SORCS1: variants seen among roughly 807,000 people sequenced by gnomAD.
The protein encoded by SORCS1 is VPS10 domain-containing receptor SorCS1.
A neutral mutation model predicts 146.1 loss-of-function variants in SORCS1; 60 were observed. That is an observed-to-expected ratio of 0.41 (90% confidence interval 0.33 to 0.51). The LOEUF is 0.51. SORCS1 is among the 20% of genes least tolerant of loss of function. SORCS1 has a pLI of 0.21. For synonymous variants in SORCS1, 637 were observed against 584.0 expected, an observed-to-expected ratio of 1.09 and a Z score of -1.31; for missense variants, 1,352 against 1,487.6, an observed-to-expected ratio of 0.91 and a Z score of 1.50.
At chr10:107,047,066 G>A (rs557597939) in intron 1 of SORCS1, among the ~76,000 whole-genome samples, 8 of 152,176 alleles carry the variant, frequency 5.3e-5, no homozygotes, top group South Asian at 2.1e-4. Flanking sequence ...TCATCTCACC[G>A]CAACCTCTGC....
chr10:106,849,654 T>G (rs11193074), intron 2 of SORCS1, among the ~76,000 whole-genome samples: 2,768 of 146,854 alleles, frequency 0.019, 64 homozygotes, highest in East Asian at 0.12. Context: ...TGGAGGAGGA[T>G]AGGCGCTCTG....
chr10:106,597,133 T>C (rs1845952821), intron 24 of SORCS1, among the ~76,000 whole-genome samples: 1 of 152,200 alleles, frequency 6.6e-6, no homozygotes. Context: ...ATCACAGGCA[T>C]GAGCCACTGA....
intron 1 of SORCS1, among the ~76,000 whole-genome samples, chr10:107,092,153 G>A (rs1448308330): frequency 2.0e-5 from 3 of 152,222 alleles, no homozygotes; most frequent in Non-Finnish European, 2.9e-5. Flanking sequence ...CTGAAGTTCA[G>A]AAATGCTTCT....
intron 2 of SORCS1, among the ~76,000 whole-genome samples, chr10:106,872,950 G>A (rs1399398452): frequency 1.2e-4 from 19 of 152,186 alleles, no homozygotes; most frequent in South Asian, 2.1e-4. Flanking sequence ...CGAGGTGGGC[G>A]GATCACAAGG....
At chr10:106,803,665 T>C (rs1039538579) in intron 3 of SORCS1, among the ~76,000 whole-genome samples, 3 of 152,208 alleles carry the variant, frequency 2.0e-5, no homozygotes, top group African/African-American at 7.2e-5. Context: ...ATATTGTTTA[T>C]TGACTGATGT....
intron 2 of SORCS1, among the ~76,000 whole-genome samples, chr10:106,859,924 A>C (rs1949947999): frequency 6.6e-6 from 1 of 152,218 alleles, no homozygotes; most frequent in Non-Finnish European, 1.5e-5. Flanking sequence ...CTTACAATCC[A>C]GAAGGTGCTC....
At chr10:106,948,176 A>C (rs1247897368) in intron 2 of SORCS1, among the ~76,000 whole-genome samples, 1 of 152,102 alleles carries the variant, frequency 6.6e-6, no homozygotes, top group Non-Finnish European at 1.5e-5. Context: ...ATCTGTTGAC[A>C]CTTTTTAGTT....
rs972239059 is a variant in SORCS1, at chr10:106,942,425, G to A, written c.626+14088C>T. Reference sequence around the variant, plus strand: ...AAATGCCTTCTTGTGTGTTACACAAGGCTCACTGGAACAAAAAAAGCACAG... The same window carrying A: ...AAATGCCTTCTTGTGTGTTACACAAAGCTCACTGGAACAAAAAAAGCACAG... On this transcript the variant is annotated intron_variant, in intron 2 of 25. Coordinates refer to ENST00000263054, the MANE Select transcript of SORCS1 (RefSeq NM_052918.5). Among the ~76,000 whole-genome samples the A allele has an allele frequency of 3.2e-4, 49 of 152,186 alleles. 1 individual carries two copies. Among genetic ancestry groups the A allele is most frequent in the African/African-American group, 1.0e-3 (43 of 41,514 alleles).
chr10:106,917,551 T>C (rs977318727), intron 2 of SORCS1, among the ~76,000 whole-genome samples: 17 of 152,164 alleles, frequency 1.1e-4, no homozygotes, highest in Non-Finnish European at 2.2e-4. Flanking sequence ...CTCTTTTTCA[T>C]GCAGTACATG....
intron 9 of SORCS1, among the ~76,000 whole-genome samples, chr10:106,698,916 G>A (rs1294531778): frequency 1.3e-5 from 2 of 152,076 alleles, no homozygotes; most frequent in African/African-American, 2.4e-5. Context: ...AACATCACAA[G>A]CAGACCACTC....
chr10:106,994,063 C>CAAAAAAAAAAAAA (rs67408221), intron 1 of SORCS1, among the ~76,000 whole-genome samples: 3 of 80,812 alleles, frequency 3.7e-5, no homozygotes, highest in African/African-American at 5.3e-5. Context: ...GACCCCATCT[C>CAAAAAAAAAAAAA]AAAAAAAAAA....
At chr10:106,850,721 C>G (rs1387774332) in intron 2 of SORCS1, among the ~76,000 whole-genome samples, 1 of 152,176 alleles carries the variant, frequency 6.6e-6, no homozygotes, top group Non-Finnish European at 1.5e-5. Flanking sequence ...CACAATATTC[C>G]TCAGAGCTCC....
chr10:106,832,807 A>G (rs940131047), intron 2 of SORCS1, among the ~76,000 whole-genome samples: 2 of 152,256 alleles, frequency 1.3e-5, no homozygotes, highest in Non-Finnish European at 2.9e-5. Context: ...CAATTTTCCT[A>G]GTGGAATAAT....
intron 1 of SORCS1, among the ~76,000 whole-genome samples, chr10:107,114,976 TGA>T (rs757909571): frequency 9.2e-5 from 14 of 151,964 alleles, no homozygotes; most frequent in Non-Finnish European, 1.9e-4. Context: ...ATATCCAAAT[TGA>T]GATACAGAAA....
intron 17 of SORCS1, among the ~76,000 whole-genome samples, chr10:106,666,291 G>A (rs1222528200): frequency 1.3e-5 from 2 of 152,180 alleles, no homozygotes; most frequent in Non-Finnish European, 2.9e-5. Flanking sequence ...AATTCCTTCT[G>A]CCTGATGGCA....
intron 8 of SORCS1, among the ~76,000 whole-genome samples, chr10:106,703,395 CA>C (rs1051004632): frequency 4.6e-5 from 7 of 152,054 alleles, no homozygotes; most frequent in African/African-American, 1.7e-4. Flanking sequence ...ATCTGTCCTC[CA>C]AAATGCTCAA....
intron 1 of SORCS1, among the ~76,000 whole-genome samples, chr10:107,133,555 G>A (rs758279639): frequency 6.6e-6 from 1 of 152,072 alleles, no homozygotes; most frequent in African/African-American, 2.4e-5. Context: ...ACATTTGGGG[G>A]TATCATTTTC....
intron 3 of SORCS1, among the ~76,000 whole-genome samples, chr10:106,791,615 C>T (rs1272100695): frequency 2.0e-5 from 3 of 152,140 alleles, no homozygotes; most frequent in African/African-American, 7.2e-5. Flanking sequence ...AGGAGAATCG[C>T]TTGAACCCAG....
intron 2 of SORCS1, among the ~76,000 whole-genome samples, chr10:106,878,620 G>GCATATATATATATATATATATA (rs1554871217): frequency 7.1e-5 from 6 of 84,950 alleles, no homozygotes; most frequent in African/African-American, 2.8e-4. Context: ...AAACTACCTA[G>GCATATATATATATATATATATA]TATATATATA....
Sources: allele counts gnomAD v4.1 joint callset (sites outside exome capture counted in the v4.1 genomes callset), GRCh38; gene constraint gnomAD v4.1.1; transcripts MANE v1.5; gene names NCBI Gene and HGNC (gene_info 2026-07-23, HGNC 2026-07-21).